The following DLG2 variants were observed in gnomAD, a reference collection of about 807,000 sequenced individuals.
The protein encoded by DLG2 is discs large MAGUK scaffold protein 2, also known as disks large homolog 2.
A neutral mutation model predicts 132.5 loss-of-function variants in DLG2; 45 were observed. That is an observed-to-expected ratio of 0.34 (90% CI 0.27 to 0.44). The LOEUF (loss-of-function observed/expected upper bound fraction) is 0.44. Ranked by LOEUF, DLG2 falls within the 20% of genes least tolerant of loss-of-function variation. DLG2 has a pLI of 1.00. For missense variants in DLG2, 1,045 were observed against 1,196.9 expected (o/e 0.87, Z 1.87); for synonymous variants, 424 against 419.6 (o/e 1.01, Z -0.13).
chr11:85,295,927 T>C (rs512775), intron 3 of DLG2, among the ~76,000 whole-genome samples: 125,014 of 152,108 alleles, frequency 0.82, 51,796 homozygotes, highest in Middle Eastern at 0.89. Flanking sequence ...GAGACAAGAA[T>C]GCTTATGCAC....
intron 3 of DLG2, among the ~76,000 whole-genome samples, chr11:85,391,148 A>C (rs1345762417): frequency 6.6e-6 from 1 of 152,098 alleles, no homozygotes; most frequent in Non-Finnish European, 1.5e-5. Context: ...ATTCAAGGCT[A>C]TTATGAAAAC....
intron 18 of DLG2, among the ~76,000 whole-genome samples, chr11:83,658,290 A>C (rs2073278653): frequency 6.6e-6 from 1 of 152,182 alleles, no homozygotes; most frequent in South Asian, 2.1e-4. Context: ...ATATATAGAG[A>C]CTTTATTATT....
intron 11 of DLG2, among the ~76,000 whole-genome samples, chr11:84,026,430 G>T (rs1252026352): frequency 6.6e-6 from 1 of 152,080 alleles, no homozygotes; most frequent in Non-Finnish European, 1.5e-5. Flanking sequence ...AAATCATAGA[G>T]CTGAAAGAGA....
chr11:83,752,004 C>T (rs2093339994), intron 18 of DLG2, among the ~76,000 whole-genome samples: 1 of 152,218 alleles, frequency 6.6e-6, no homozygotes, highest in African/African-American at 2.4e-5. Flanking sequence ...TGCGGTGGCT[C>T]ACGCCTGTAA....
chr11:83,477,808 A>C (rs1485888859), intron 22 of DLG2, among the ~76,000 whole-genome samples: 1 of 152,050 alleles, frequency 6.6e-6, no homozygotes, highest in African/African-American at 2.4e-5. Flanking sequence ...AATGCACTAG[A>C]AAAATGCAGC....
intron 4 of DLG2, among the ~76,000 whole-genome samples, chr11:85,165,691 A>G (rs183026498): frequency 6.6e-6 from 1 of 152,204 alleles, no homozygotes; most frequent in Admixed American, 6.5e-5. Context: ...TTTAATGATC[A>G]AACTGGTTTT....
intron 21 of DLG2, among the ~76,000 whole-genome samples, chr11:83,506,476 C>CTAA (rs2094707274): frequency 6.6e-6 from 1 of 152,184 alleles, no homozygotes; most frequent in Non-Finnish European, 1.5e-5. Context: ...TCCCTCTAGG[C>CTAA]ACCAGCCAGA....
At chr11:85,424,192 C>CG (rs1227401992) in intron 3 of DLG2, among the ~76,000 whole-genome samples, 104 of 152,168 alleles carry the variant, frequency 6.8e-4, no homozygotes, top group Middle Eastern at 3.4e-3. Context: ...GTTTCCCTAG[C>CG]TGGGGGGTGT....
At chr11:84,311,932 T>A (rs1054810905) in intron 7 of DLG2, among the ~76,000 whole-genome samples, 5 of 152,234 alleles carry the variant, frequency 3.3e-5, no homozygotes, top group African/African-American at 7.2e-5. Context: ...ACAACATTTT[T>A]AATTCAATTT....
At chr11:84,627,575 T>G (rs1430595663) in intron 6 of DLG2, among the ~76,000 whole-genome samples, 3 of 152,252 alleles carry the variant, frequency 2.0e-5, no homozygotes, top group Admixed American at 2.0e-4. Context: ...TGGAGAAAGA[T>G]AAACCTGAGT....
intron 6 of DLG2, among the ~76,000 whole-genome samples, chr11:84,659,421 G>A (rs2099692092): frequency 1.3e-5 from 2 of 151,854 alleles, no homozygotes; most frequent in South Asian, 4.2e-4. Flanking sequence ...TATATCTCTT[G>A]ACTACCAATA....
chr11:84,256,547 G>A (rs926127292), intron 7 of DLG2, among the ~76,000 whole-genome samples: 4 of 152,142 alleles, frequency 2.6e-5, no homozygotes, highest in African/African-American at 4.8e-5. Context: ...CAGCTGACCC[G>A]GGACATGCAA....
chr11:84,218,382 G>GAGAA, intron 8 of DLG2, among the ~76,000 whole-genome samples: 1 of 96,248 alleles, frequency 1.0e-5, no homozygotes, highest in African/African-American at 3.2e-5. Flanking sequence ...GAAAGGGAGG[G>GAGAA]AGGGAGGGAG....
chr11:84,564,238 T>C (rs940612246), intron 6 of DLG2, among the ~76,000 whole-genome samples: 1 of 152,208 alleles, frequency 6.6e-6, no homozygotes, highest in African/African-American at 2.4e-5. Context: ...GGTATGCTTA[T>C]AGGCATGAGT....
At chr11:84,240,675 T>C (rs1384424121) in intron 8 of DLG2, among the ~76,000 whole-genome samples, 1 of 152,158 alleles carries the variant, frequency 6.6e-6, no homozygotes, top group Non-Finnish European at 1.5e-5. Flanking sequence ...AAAGGCATTG[T>C]GGACTAATTG....
intron 19 of DLG2, among the ~76,000 whole-genome samples, chr11:83,572,496 C>G (rs2096813412): frequency 6.6e-6 from 1 of 152,108 alleles, no homozygotes; most frequent in Non-Finnish European, 1.5e-5. Context: ...CTAGGAGCTT[C>G]TAAGAAAAAA....
At chr11:84,545,393 AC>A in intron 6 of DLG2, 2 of 511,462 alleles carry the variant, frequency 3.9e-6, no homozygotes, top group Non-Finnish European at 3.7e-6. Flanking sequence ...ATCCACAACC[AC>A]CACGGCTGCC....
chr11:85,578,801 A>T (rs1465461161), intron 3 of DLG2, among the ~76,000 whole-genome samples: 7 of 152,188 alleles, frequency 4.6e-5, no homozygotes, highest in Non-Finnish European at 8.8e-5. Context: ...AATTAGTTAA[A>T]CCATCATGGA....
At chr11:83,500,900 G>T (rs1344727201) in intron 21 of DLG2, among the ~76,000 whole-genome samples, 2 of 152,010 alleles carry the variant, frequency 1.3e-5, no homozygotes, top group Non-Finnish European at 2.9e-5. Context: ...ACAGGAAATT[G>T]CCAGCTTTGT....
Sources: gnomAD v4.1 joint callset for allele counts (sites outside exome capture counted in the v4.1 genomes callset) on GRCh38, gnomAD v4.1.1 for gene constraint, MANE v1.5 for transcripts, NCBI Gene and HGNC (gene_info 2026-07-23, HGNC 2026-07-21) for gene names.